Variants in CDH8 observed in about 807,000 individuals in gnomAD.
CDH8 encodes the protein cadherin 8.
CDH8 carries 17 observed loss-of-function variants against 68.1 expected under a neutral mutation model. That is an observed-to-expected ratio of 0.25 (90% CI 0.17 to 0.37). The LOEUF is 0.37. Ranked by LOEUF, CDH8 falls within the 10% of genes least tolerant of loss-of-function variation. The pLI is 1.00. For synonymous variants in CDH8, 372 were observed against 365.1 expected, an observed-to-expected ratio of 1.02 and a Z score of -0.21; for missense variants, 763 against 999.3, an observed-to-expected ratio of 0.76 and a Z score of 3.19.
At chr16:61,882,847 C>A (rs1388196628) in intron 3 of CDH8, among the ~76,000 whole-genome samples, 3 of 152,116 alleles carry the variant, frequency 2.0e-5, no homozygotes, top group Admixed American at 2.0e-4. Context: ...ATGTAACAAA[C>A]CTGCACATCT....
At chr16:61,908,108 C>A (rs958784393) in intron 2 of CDH8, among the ~76,000 whole-genome samples, 6 of 151,612 alleles carry the variant, frequency 4.0e-5, no homozygotes, top group Middle Eastern at 6.9e-3. Context: ...ATATATTGAT[C>A]CCAATTTTTC....
At chr16:61,990,237 G>C (rs1293898751) in intron 2 of CDH8, among the ~76,000 whole-genome samples, 1 of 150,258 alleles carries the variant, frequency 6.7e-6, no homozygotes, top group African/African-American at 2.4e-5. Context: ...CTCTAAGCTA[G>C]GTTATATTAG....
At chr16:62,035,578 G>T (rs1048431585) in intron 1 of CDH8, among the ~76,000 whole-genome samples, 1 of 152,214 alleles carries the variant, frequency 6.6e-6, no homozygotes, top group Middle Eastern at 3.4e-3. Context: ...GCCCTCCCTC[G>T]CCTCGGAGAT....
intron 3 of CDH8, among the ~76,000 whole-genome samples, chr16:61,879,948 CAG>C (rs1963538694): frequency 6.6e-6 from 1 of 151,656 alleles, no homozygotes; most frequent in African/African-American, 2.4e-5. Flanking sequence ...TTTTTTGAGA[CAG>C]AGTCTTGCTC....
At chr16:61,845,290 T>C (rs929413490) in intron 4 of CDH8, among the ~76,000 whole-genome samples, 7 of 152,070 alleles carry the variant, frequency 4.6e-5, no homozygotes, top group Admixed American at 1.3e-4. Flanking sequence ...ATGAATTCAT[T>C]TGTCCATAAA....
chr16:61,892,529 T>A (rs1314090552), intron 3 of CDH8, among the ~76,000 whole-genome samples: 1 of 152,140 alleles, frequency 6.6e-6, no homozygotes. Context: ...TATACTTTTT[T>A]TTGCACTAAA....
intron 10 of CDH8, among the ~76,000 whole-genome samples, chr16:61,681,187 A>T (rs1268604164): frequency 6.6e-6 from 1 of 151,912 alleles, no homozygotes; most frequent in Non-Finnish European, 1.5e-5. Flanking sequence ...TCTATGCAAG[A>T]TAAATGAAAA....
chr16:62,005,071 C>T (rs574425975), intron 2 of CDH8, among the ~76,000 whole-genome samples: 17 of 152,282 alleles, frequency 1.1e-4, no homozygotes, highest in African/African-American at 3.4e-4. Context: ...CAGACTTTTA[C>T]TTCCCTATCA....
chr16:62,005,157 A>C (rs1965952960), intron 2 of CDH8, among the ~76,000 whole-genome samples: 1 of 152,242 alleles, frequency 6.6e-6, no homozygotes, highest in African/African-American at 2.4e-5. Flanking sequence ...GTCACAGTAC[A>C]TAACTGTGTC....
chr16:61,671,972 A>C (rs991225894), intron 10 of CDH8, among the ~76,000 whole-genome samples: 1 of 152,172 alleles, frequency 6.6e-6, no homozygotes, highest in African/African-American at 2.4e-5. Flanking sequence ...GTAATCTGAT[A>C]CAATTCCCTT....
chr16:62,016,472 T>C (rs1398239557), intron 2 of CDH8, among the ~76,000 whole-genome samples: 1 of 152,214 alleles, frequency 6.6e-6, no homozygotes, highest in Non-Finnish European at 1.5e-5. Context: ...ATAAAGAGTA[T>C]CTGCACATTT....
At chr16:61,846,313 T>C (rs1273173654) in intron 4 of CDH8, among the ~76,000 whole-genome samples, 1 of 152,106 alleles carries the variant, frequency 6.6e-6, no homozygotes, top group Non-Finnish European at 1.5e-5. Flanking sequence ...AAACATCCAA[T>C]TGGTATAATT....
intron 10 of CDH8, among the ~76,000 whole-genome samples, chr16:61,684,706 C>G (rs188078855): frequency 2.0e-5 from 3 of 152,106 alleles, no homozygotes; most frequent in Non-Finnish European, 2.9e-5. Context: ...GCTGACCTGA[C>G]AGTTCCTTTG....
intron 10 of CDH8, among the ~76,000 whole-genome samples, chr16:61,702,379 GAAAAAAA>G (rs200454525): frequency 2.4e-5 from 3 of 126,424 alleles, no homozygotes; most frequent in Non-Finnish European, 5.2e-5. Context: ...CTCAAAAAAA[GAAAAAAA>G]AAAAAGAAAA....
At chr16:61,819,114 G>A (rs780428696) in intron 6 of CDH8, among the ~76,000 whole-genome samples, 7 of 151,784 alleles carry the variant, frequency 4.6e-5, no homozygotes, top group East Asian at 2.0e-4. Context: ...CACAAACATC[G>A]TTAAGTATAA....
At chr16:61,827,933 G>A (rs1567489319) in intron 4 of CDH8, among the ~76,000 whole-genome samples, 1 of 151,960 alleles carries the variant, frequency 6.6e-6, no homozygotes, top group East Asian at 1.9e-4. Context: ...AAATAGAATA[G>A]TGTAAGAGGC....
At chr16:61,941,279 G>A (rs1352903443) in intron 2 of CDH8, among the ~76,000 whole-genome samples, 3 of 152,032 alleles carry the variant, frequency 2.0e-5, no homozygotes, top group African/African-American at 7.2e-5. Flanking sequence ...TTCTTTTATT[G>A]GAAAGTTAAG....
At chr16:61,703,866 A>T (rs1288793014) in intron 10 of CDH8, among the ~76,000 whole-genome samples, 1 of 152,148 alleles carries the variant, frequency 6.6e-6, no homozygotes, top group Non-Finnish European at 1.5e-5. Context: ...TATTACTGAT[A>T]TATATTATAT....
rs1439004014 is a variant in CDH8, at chr16:61,648,828, A to G, written c.*4780T>C. The G allele has an allele frequency of 6.6e-6, 1 of 151,962 alleles. No individual in the cohort carries two copies. Among genetic ancestry groups the G allele is most frequent in the African/African-American group, 2.4e-5 (1 of 41,402 alleles). The allele number at this position is 151,962 out of a possible 1,614,324, so 9.4% of individuals were successfully genotyped here. A position where few individuals can be genotyped will look rare whatever the true frequency, so the allele number is the denominator to read the frequency against. On this transcript the variant is annotated 3_prime_UTR_variant, in exon 12 of 12. Coordinates refer to ENST00000577390, the MANE Select transcript of CDH8 (RefSeq NM_001796.5). ...GAAATTTTTAAATTTTATGTCCTCC[A>G]TAACGCTAGGTCTGTGCTCAAAATA...
Sources: allele counts gnomAD v4.1 joint callset (sites outside exome capture counted in the v4.1 genomes callset), GRCh38; gene constraint gnomAD v4.1.1; transcripts MANE v1.5; gene names NCBI Gene and HGNC (gene_info 2026-07-23, HGNC 2026-07-21).